Variants in DOCK9 observed in about 807,000 individuals in gnomAD.
The protein encoded by DOCK9 is dedicator of cytokinesis protein 9.
Under a neutral mutation model 263.3 loss-of-function variants are expected in DOCK9, and 89 were observed. The ratio of observed to expected loss-of-function variants is 0.34; its 90% CI spans 0.28 to 0.40. The LOEUF (loss-of-function observed/expected upper bound fraction) is 0.40. Ranked by LOEUF, DOCK9 falls within the 10% of genes least tolerant of loss-of-function variation. The probability of loss-of-function intolerance (pLI) is 1.00; values close to 1 mark genes in which losing one functional copy is unlikely to be tolerated. For synonymous variants in DOCK9, 976 were observed against 973.1 expected, an observed-to-expected ratio of 1.00 and a Z score of -0.06; for missense variants, 2,140 against 2,603.4, an observed-to-expected ratio of 0.82 and a Z score of 3.87.
intron 12 of DOCK9, 127 bp from the exon 13 acceptor site, chr13:98,902,027 T>A: frequency 8.3e-7 from 1 of 1,211,854 alleles, no homozygotes; most frequent in Non-Finnish European, 1.1e-6. Flanking sequence ...GCCAAACTAG[T>A]TAGCTGACAA....
upstream of DOCK9, among the ~76,000 whole-genome samples, chr13:98,978,489 A>G (rs9517519): frequency 0.18 from 27,284 of 152,216 alleles, 3,220 homozygotes; most frequent in East Asian, 0.43. Flanking sequence ...CACCTCGTGG[A>G]TACAGGTGGA....
chr13:98,842,468 G>A (rs536930435), intron 38 of DOCK9, among the ~76,000 whole-genome samples: 16 of 152,254 alleles, frequency 1.1e-4, no homozygotes, highest in Non-Finnish European at 1.8e-4. Context: ...CCTCTTGGCT[G>A]GTGTTCCCTG....
chr13:98,915,641 T>A, intron 7 of DOCK9, 138 bp from the exon 8 acceptor site: 1 of 690,886 alleles, frequency 1.4e-6, no homozygotes, highest in Non-Finnish European at 2.2e-6. Flanking sequence ...CCCCTCCTCA[T>A]GAAAGCCCCC....
intron 1 of DOCK9, among the ~76,000 whole-genome samples, chr13:99,068,457 C>T (rs9557127): frequency 0.15 from 22,575 of 152,100 alleles, 2,399 homozygotes; most frequent in East Asian, 0.43. Flanking sequence ...CAGTGGTGGG[C>T]GCCTGTAATC....
At chr13:98,989,588 C>T (rs1315335643) in intron 1 of DOCK9, among the ~76,000 whole-genome samples, 4 of 152,042 alleles carry the variant, frequency 2.6e-5, no homozygotes, top group Non-Finnish European at 4.4e-5. Flanking sequence ...CAAGGAAACA[C>T]GAATGGGTTC....
chr13:98,902,354 G>A lies in DOCK9; in HGVS notation c.1314C>T (p.Gly438=). 6.2e-7 allele frequency: 1 copy of A among 1,614,014 alleles called. No homozygotes were observed. The highest frequency in any genetic ancestry group is 8.5e-7 in the Non-Finnish European group (1 of 1,179,886). ...LATTSPALMN[G]SGQSPSVLKG... Reference sequence around the variant, plus strand: ...TGAGGACAGATGGGCTCTGCCCACTGCCATTCATCAGCGCCGGGGACGTGG... The same window carrying A: ...TGAGGACAGATGGGCTCTGCCCACTACCATTCATCAGCGCCGGGGACGTGG... Residue 438 remains glycine (G), a synonymous_variant, in exon 12 of 53, where the codon GGC becomes GGT. Transcript: ENST00000682017.
intron 27 of DOCK9, among the ~76,000 whole-genome samples, chr13:98,875,325 A>AG (rs5806078): frequency 0.52 from 79,330 of 151,698 alleles, 21,143 homozygotes; most frequent in Middle Eastern, 0.59. Context: ...ACATATGTAT[A>AG]GTGTTTACAA....
At chr13:99,067,273 G>A (rs917718627) in intron 1 of DOCK9, among the ~76,000 whole-genome samples, 1 of 152,128 alleles carries the variant, frequency 6.6e-6, no homozygotes, top group Non-Finnish European at 1.5e-5. Flanking sequence ...GTGACAACCT[G>A]AGACCTACTC....
intron 2 of DOCK9, among the ~76,000 whole-genome samples, chr13:98,954,363 T>C (rs186135844): frequency 2.0e-5 from 3 of 152,118 alleles, no homozygotes; most frequent in Admixed American, 2.0e-4. Context: ...CAGGATCAGG[T>C]CCCAGGAGAG....
chr13:98,881,759 G>A (rs1443687477), intron 24 of DOCK9, 132 bp from the exon 25 acceptor site: 52 of 1,233,054 alleles, frequency 4.2e-5, no homozygotes, highest in Non-Finnish European at 5.6e-5. Flanking sequence ...ATTAGATGGG[G>A]TCCTTACACA....
intron 28 of DOCK9, 34 bp from the exon 29 acceptor site, chr13:98,868,045 G>C (rs768113736): frequency 1.9e-6 from 3 of 1,599,160 alleles, no homozygotes; most frequent in Non-Finnish European, 1.7e-6. Flanking sequence ...AGTTATTTCA[G>C]GTCCAAACAT....
At chr13:99,067,733 A>T (rs554086962) in intron 1 of DOCK9, among the ~76,000 whole-genome samples, 2 of 152,216 alleles carry the variant, frequency 1.3e-5, no homozygotes, top group Non-Finnish European at 2.9e-5. Context: ...TCCTGACATG[A>T]AATGCAATGC....
intron 39 of DOCK9, 58 bp from the exon 40 acceptor site, chr13:98,831,844 C>T (rs1390150111): frequency 6.4e-7 from 1 of 1,571,694 alleles, no homozygotes; most frequent in African/African-American, 1.4e-5. Context: ...GTAGGTTTCA[C>T]ACAATTTCAG....
chr13:98,837,636 TG>T, intron 38 of DOCK9, 27 bp from the exon 39 acceptor site: 1 of 1,543,032 alleles, frequency 6.5e-7, no homozygotes, highest in Non-Finnish European at 8.9e-7. Context: ...ACAAGATTAC[TG>T]CCCAGTGGTT....
chr13:98,981,133 TG>T (rs1356807729), upstream of DOCK9, among the ~76,000 whole-genome samples: 2 of 151,830 alleles, frequency 1.3e-5, no homozygotes, highest in Non-Finnish European at 2.9e-5. Flanking sequence ...CTCAGCTTAC[TG>T]CAACCTCCAC....
intron 27 of DOCK9, among the ~76,000 whole-genome samples, chr13:98,873,366 G>C (rs2094238977): frequency 6.6e-6 from 1 of 152,178 alleles, no homozygotes; most frequent in Non-Finnish European, 1.5e-5. Context: ...CTGCCAACTG[G>C]AAATGTGTTT....
At position 98,942,843 on chromosome 13, in the gene DOCK9, G is replaced by C. The variant is rs147194623; in HGVS notation, c.244-12586C>G. 9.9e-5 allele frequency among the ~76,000 whole-genome samples: 15 copies of C among 152,240 alleles called. No homozygotes were observed. In the East Asian group the frequency reaches 2.9e-3, roughly 29 times the overall value. ...ACTGTGCTGACTACTGTAGGGAGAC[G>C]TAACACAATGGAAGTATGTGTGTAC... is the stretch of plus-strand genomic sequence containing the variant. On this transcript the variant is annotated intron_variant, in intron 2 of 52. Coordinates refer to ENST00000682017, the MANE Select transcript of DOCK9 (RefSeq NM_001366683.2).
intron 1 of DOCK9, among the ~76,000 whole-genome samples, chr13:98,960,421 T>C (rs1311609125): frequency 6.6e-6 from 1 of 152,172 alleles, no homozygotes; most frequent in Non-Finnish European, 1.5e-5. Flanking sequence ...TTATAGTGTA[T>C]AAAAATCTAA....
intron 39 of DOCK9, among the ~76,000 whole-genome samples, chr13:98,835,134 C>T (rs895808417): frequency 2.6e-5 from 4 of 152,220 alleles, no homozygotes; most frequent in African/African-American, 9.6e-5. Context: ...TGAGCTTAAA[C>T]CTTTCAAACA....
Sources: gnomAD v4.1 joint callset for allele counts (sites outside exome capture counted in the v4.1 genomes callset) on GRCh38, gnomAD v4.1.1 for gene constraint, MANE v1.5 for transcripts, NCBI Gene and HGNC (gene_info 2026-07-23, HGNC 2026-07-21) for gene names.